The following LIN54 variants were observed in gnomAD, a reference collection of about 807,000 sequenced individuals.
LIN54 encodes lin-54 DREAM MuvB core complex component.
A neutral mutation model predicts 78.7 loss-of-function variants in LIN54; 9 were observed. The observed-to-expected ratio is 0.11, with a 90% confidence interval of 0.07 to 0.20. The LOEUF (loss-of-function observed/expected upper bound fraction) is 0.20. LIN54 is among the 10% of genes least tolerant of loss of function. LIN54 has a pLI of 1.00. For missense variants in LIN54, 573 were observed against 889.9 expected (o/e 0.64, Z 4.53); for synonymous variants, 269 against 318.4 (o/e 0.84, Z 1.65).
chr4:82,956,365 A>AAAAG (rs10635005), intron 4 of LIN54, among the ~76,000 whole-genome samples: 69 of 150,686 alleles, frequency 4.6e-4, no homozygotes, highest in African/African-American at 1.1e-3. Flanking sequence ...AAAAAAAAAA[A>AAAAG]AGACTGTTTT....
chr4:82,930,811 C>T, intron 12 of LIN54, 132 bp downstream of exon 12: 1 of 752,638 alleles, frequency 1.3e-6, no homozygotes, highest in Non-Finnish European at 2.2e-6. Flanking sequence ...TTACAAGTAA[C>T]TAAAGATGGA....
rs886393139 is a variant in LIN54 at position 82,925,707 on chromosome 4, G to A, written c.*2395C>T. 6.6e-6 allele frequency: 1 copy of A among 152,556 alleles called. No individual in the cohort carries two copies. Among genetic ancestry groups the A allele is most frequent in the African/African-American group, 2.4e-5 (1 of 41,444 alleles). The allele number at this position is 152,556 out of a possible 1,614,324, so 9.5% of individuals were successfully genotyped here. On this transcript the variant is annotated 3_prime_UTR_variant, in exon 13 of 13. Coordinates refer to ENST00000340417, the MANE Select transcript of LIN54 (RefSeq NM_194282.4). ...GGTGTTATTATACTAAAGAAAAAAT[G>A]CAAAACCTTTTTTACAGAATAGTAT...
Position 82,927,843 on chromosome 4 carries a change from C to A in LIN54, c.*259G>T. The A allele has an allele frequency of 2.7e-6, 1 of 375,062 alleles. No homozygotes were observed. Among genetic ancestry groups the A allele is most frequent in the Non-Finnish European group, 4.8e-6 (1 of 210,308 alleles). The allele number at this position is 375,062 out of a possible 1,614,324, so 23.2% of individuals were successfully genotyped here. The stretch of plus-strand genomic sequence containing the variant: ...GGTATCAGAAAGAGAACATCTAATT[C>A]TTAAGAAACCCAAGCAAATTAAAAA... On this transcript the variant is annotated 3_prime_UTR_variant, in exon 13 of 13. Transcript: ENST00000340417.
intron 7 of LIN54, among the ~76,000 whole-genome samples, chr4:82,938,816 G>C (rs1250454477): frequency 1.3e-5 from 2 of 152,152 alleles, no homozygotes; most frequent in Non-Finnish European, 1.5e-5. Flanking sequence ...ACTTGTTTGG[G>C]CTAGAAAAAT....
chr4:82,956,568 T>C (rs895200300), intron 4 of LIN54, among the ~76,000 whole-genome samples: 6 of 152,074 alleles, frequency 3.9e-5, no homozygotes, highest in Non-Finnish European at 7.4e-5. Flanking sequence ...TGAGCTGTGA[T>C]CGCACCACTG....
intron 1 of LIN54, among the ~76,000 whole-genome samples, chr4:82,992,028 G>T (rs1448147053): frequency 6.6e-6 from 1 of 152,182 alleles, no homozygotes; most frequent in South Asian, 2.1e-4. Flanking sequence ...GCACAGAATC[G>T]TCTCTATTTC....
intron 11 of LIN54, among the ~76,000 whole-genome samples, chr4:82,935,414 G>A (rs553551576): frequency 2.0e-5 from 3 of 151,684 alleles, no homozygotes; most frequent in African/African-American, 7.3e-5. Flanking sequence ...TCAGCCTCCC[G>A]AGTAGCTGGG....
chr4:82,940,043 C>A, intron 5 of LIN54, 81 bp from the exon 6 acceptor site: 1 of 930,198 alleles, frequency 1.1e-6, no homozygotes, highest in Non-Finnish European at 1.7e-6. Flanking sequence ...TTAGCTCTCC[C>A]AAGTTATTCT....
Position 82,975,722 on chromosome 4 carries a change from A to G in LIN54, c.808+3161T>C, listed in dbSNP as rs532529150. On this transcript the variant is annotated intron_variant, in intron 3 of 12. Coordinates refer to ENST00000340417, the MANE Select transcript of LIN54 (RefSeq NM_194282.4). ...AGCGAAAACTCCATCTAAAAAAAAA[A>G]AGAGAGCTAGATGAACAAAAAAACA... Among the ~76,000 whole-genome samples, 10 of 152,164 alleles carry G rather than the reference A, an allele frequency of 6.6e-5. No homozygotes were observed. In the South Asian group the frequency reaches 2.1e-3, roughly 32 times the overall value.
At chr4:82,955,892 A>T (rs1050048740) in intron 4 of LIN54, among the ~76,000 whole-genome samples, 1 of 152,250 alleles carries the variant, frequency 6.6e-6, no homozygotes, top group African/African-American at 2.4e-5. Flanking sequence ...GTGACAAAAA[A>T]TAGGCAAGTT....
intron 4 of LIN54, among the ~76,000 whole-genome samples, chr4:82,953,503 C>T (rs570304791): frequency 6.6e-6 from 1 of 152,160 alleles, no homozygotes; most frequent in Admixed American, 6.5e-5. Flanking sequence ...TGACTCACAC[C>T]TGTAATCACA....
At chr4:82,981,938 G>A (rs759547758) in intron 2 of LIN54, among the ~76,000 whole-genome samples, 1 of 152,138 alleles carries the variant, frequency 6.6e-6, no homozygotes, top group Non-Finnish European at 1.5e-5. Context: ...GGAGGCTGAC[G>A]TGGGAGGAGC....
chr4:83,004,127 G>T (rs539306114), intron 1 of LIN54, among the ~76,000 whole-genome samples: 1 of 152,236 alleles, frequency 6.6e-6, no homozygotes, highest in African/African-American at 2.4e-5. Flanking sequence ...GCCGGGTGCG[G>T]TGGCTTATGC....
intron 1 of LIN54, among the ~76,000 whole-genome samples, chr4:82,994,906 A>G (rs1728062449): frequency 6.6e-6 from 1 of 152,046 alleles, no homozygotes. Flanking sequence ...TCAGAAGAAC[A>G]TACGTTTTTA....
intron 1 of LIN54, among the ~76,000 whole-genome samples, chr4:82,997,544 G>T (rs1274780417): frequency 6.6e-6 from 1 of 151,982 alleles, no homozygotes; most frequent in Non-Finnish European, 1.5e-5. Context: ...AAAGAGCCTA[G>T]AAATAAATAG....
intron 1 of LIN54, among the ~76,000 whole-genome samples, chr4:82,986,509 T>A (rs1727152159): frequency 1.3e-5 from 2 of 151,438 alleles, no homozygotes; most frequent in Admixed American, 1.3e-4. Context: ...ATGGAGACGA[T>A]CCTGGCCAAC....
intron 1 of LIN54, among the ~76,000 whole-genome samples, chr4:83,008,651 G>A (rs1295816783): frequency 6.6e-6 from 1 of 152,126 alleles, no homozygotes; most frequent in Non-Finnish European, 1.5e-5. Flanking sequence ...TAGCCTGGGC[G>A]ACAGAGTGAA....
Position 83,007,055 on chromosome 4 carries a change from G to A in LIN54, c.-33+3429C>T, listed in dbSNP as rs549393091. On this transcript the variant is annotated intron_variant, in intron 1 of 12. Coordinates refer to ENST00000340417, the MANE Select transcript of LIN54 (RefSeq NM_194282.4). Reference sequence around the variant, plus strand: ...CTCGAGAGGCCGAGGCAAGAGAATCGCTTGAACCCGGGAGGTGGAGGCTGC... The same window carrying A: ...CTCGAGAGGCCGAGGCAAGAGAATCACTTGAACCCGGGAGGTGGAGGCTGC... Among the ~76,000 whole-genome samples the A allele has an allele frequency of 1.6e-4, 24 of 152,162 alleles. No homozygotes were observed. The East Asian group carries it at 4.1e-3, about 26-fold the overall frequency.
chr4:83,001,847 CA>C (rs150165095), intron 1 of LIN54, among the ~76,000 whole-genome samples: 1,911 of 35,476 alleles, frequency 0.054, 554 homozygotes, highest in African/African-American at 0.26. Context: ...GACTCTGTCT[CA>C]AAAAAAAAAA....
Sources: allele counts gnomAD v4.1 joint callset (sites outside exome capture counted in the v4.1 genomes callset), GRCh38; gene constraint gnomAD v4.1.1; transcripts MANE v1.5; gene names NCBI Gene and HGNC (gene_info 2026-07-23, HGNC 2026-07-21).